Variants in STK39 observed in about 807,000 individuals in gnomAD.
The protein encoded by STK39 is serine/threonine kinase 39, also known as STE20/SPS1-related proline-alanine-rich protein kinase.
Under a neutral mutation model 77.8 loss-of-function variants are expected in STK39, and 20 were observed. The observed-to-expected ratio is 0.26, with a 90% CI of 0.18 to 0.37. STK39 has a LOEUF of 0.37. Ranked by LOEUF, STK39 falls within the 10% of genes least tolerant of loss-of-function variation. The pLI is 1.00. For missense variants in STK39, 479 were observed against 656.5 expected, an observed-to-expected ratio of 0.73 and a Z score of 2.95; for synonymous variants, 246 against 234.1, an observed-to-expected ratio of 1.05 and a Z score of -0.47.
At chr2:168,063,417 A>T in intron 14 of STK39, 83 bp downstream of exon 14, 1 of 1,211,110 alleles carries the variant, frequency 8.3e-7, no homozygotes, top group Non-Finnish European at 1.2e-6. Flanking sequence ...ATTTTATGCT[A>T]ATATTATGAA....
chr2:168,063,473 T>C, intron 14 of STK39, 27 bp downstream of exon 14: 6 of 1,588,020 alleles, frequency 3.8e-6, no homozygotes, highest in South Asian at 1.1e-5. Context: ...GGAAAAACAA[T>C]GCAGAATAAA....
intron 1 of STK39, among the ~76,000 whole-genome samples, chr2:168,241,449 C>A (rs1304072763): frequency 6.6e-6 from 1 of 152,222 alleles, no homozygotes; most frequent in Non-Finnish European, 1.5e-5. Flanking sequence ...GCTCTCATCA[C>A]TTGTCAGAGG....
At chr2:168,078,304 T>G (rs573315001) in intron 10 of STK39, among the ~76,000 whole-genome samples, 2 of 152,240 alleles carry the variant, frequency 1.3e-5, no homozygotes, top group East Asian at 3.9e-4. Flanking sequence ...GAAGGCAGGC[T>G]CAGCCAGATG....
chr2:168,053,136 C>T (rs780966874), intron 14 of STK39, among the ~76,000 whole-genome samples: 36 of 152,194 alleles, frequency 2.4e-4, no homozygotes, highest in Non-Finnish European at 4.4e-4. Flanking sequence ...CATTCTTGTA[C>T]ATTTAACCTT....
chr2:168,019,360 CTTG>C (rs1189143907), intron 14 of STK39, among the ~76,000 whole-genome samples: 3 of 152,140 alleles, frequency 2.0e-5, no homozygotes, highest in Non-Finnish European at 2.9e-5. Flanking sequence ...ATTATTAGTT[CTTG>C]TTGTTAACCT....
intron 17 of STK39, among the ~76,000 whole-genome samples, chr2:167,963,901 G>T (rs1692071646): frequency 6.6e-6 from 1 of 152,148 alleles, no homozygotes; most frequent in African/African-American, 2.4e-5. Context: ...AATTGCTTCT[G>T]GGATTCTGAC....
At chr2:168,101,283 C>G (rs1686817052) in intron 10 of STK39, among the ~76,000 whole-genome samples, 1 of 152,172 alleles carries the variant, frequency 6.6e-6, no homozygotes, top group Admixed American at 6.5e-5. Context: ...TGCAGCAAAC[C>G]ACCATGGCAC....
intron 2 of STK39, among the ~76,000 whole-genome samples, chr2:168,179,511 A>G (rs762740124): frequency 2.0e-5 from 3 of 152,252 alleles, no homozygotes; most frequent in Non-Finnish European, 4.4e-5. Context: ...GGGTAAGGAA[A>G]CATCAAAGCA....
intron 10 of STK39, among the ~76,000 whole-genome samples, chr2:168,125,989 T>C (rs1239633114): frequency 1.3e-5 from 2 of 152,212 alleles, no homozygotes; most frequent in Admixed American, 6.5e-5. Flanking sequence ...CCTTTAAATA[T>C]GAAAATTGTT....
chr2:168,025,329 A>G (rs1195469517), intron 14 of STK39, among the ~76,000 whole-genome samples: 2 of 152,364 alleles, frequency 1.3e-5, no homozygotes, highest in South Asian at 4.1e-4. Flanking sequence ...AACGGAATGT[A>G]TCACTTTTCC....
At chr2:168,049,285 C>T (rs2105364162) in intron 14 of STK39, among the ~76,000 whole-genome samples, 1 of 152,324 alleles carries the variant, frequency 6.6e-6, no homozygotes, top group South Asian at 2.1e-4. Flanking sequence ...GATAGATAAG[C>T]TCCGATTTCT....
chr2:168,147,407 A>T (rs540670150), intron 5 of STK39, among the ~76,000 whole-genome samples: 1 of 152,376 alleles, frequency 6.6e-6, no homozygotes, highest in South Asian at 2.1e-4. Flanking sequence ...AAAGAAGTAC[A>T]TTGTGACTTC....
chr2:168,004,574 T>C (rs1379189169), intron 16 of STK39, among the ~76,000 whole-genome samples: 1 of 151,354 alleles, frequency 6.6e-6, no homozygotes, highest in Admixed American at 6.6e-5. Flanking sequence ...CTACTAAAAA[T>C]ACAAAAAAAT....
chr2:168,051,778 T>C (rs1292986702), intron 14 of STK39, among the ~76,000 whole-genome samples: 2 of 152,068 alleles, frequency 1.3e-5, no homozygotes, highest in Non-Finnish European at 2.9e-5. Context: ...TTAAGGTTGA[T>C]ATTGGCATTT....
chr2:168,024,315 A>C (rs941275084), intron 14 of STK39, among the ~76,000 whole-genome samples: 1 of 152,146 alleles, frequency 6.6e-6, no homozygotes, highest in South Asian at 2.1e-4. Flanking sequence ...GCCTTCTGTA[A>C]CCTGTTTCCT....
At chr2:168,246,362 T>C (rs1338961538) in intron 1 of STK39, among the ~76,000 whole-genome samples, 1 of 152,222 alleles carries the variant, frequency 6.6e-6, no homozygotes, top group Non-Finnish European at 1.5e-5. Flanking sequence ...CCTGCGACTC[T>C]GCCAGGTATT....
intron 14 of STK39, among the ~76,000 whole-genome samples, chr2:168,036,649 C>G (rs1234728590): frequency 6.6e-6 from 1 of 152,190 alleles, no homozygotes; most frequent in Admixed American, 6.5e-5. Flanking sequence ...GGATGAGGTT[C>G]AGAGGAGCAG....
chr2:168,018,498 T>TAAGAA (rs1553514643), intron 14 of STK39, among the ~76,000 whole-genome samples: 3 of 105,028 alleles, frequency 2.9e-5, no homozygotes, highest in South Asian at 6.5e-4. Context: ...ATCTCATTTT[T>TAAGAA]AAGAAAAGAA....
At chr2:168,045,670 A>G (rs1419723401) in intron 14 of STK39, among the ~76,000 whole-genome samples, 1 of 152,150 alleles carries the variant, frequency 6.6e-6, no homozygotes. Flanking sequence ...TCACCCTAGC[A>G]CTGTTCCTAG....
Sources: allele counts gnomAD v4.1 joint callset (sites outside exome capture counted in the v4.1 genomes callset), GRCh38; gene constraint gnomAD v4.1.1; transcripts MANE v1.5; gene names NCBI Gene and HGNC (gene_info 2026-07-23, HGNC 2026-07-21).